METTL15: variants seen among roughly 807,000 people sequenced by gnomAD.
METTL15 encodes methyltransferase 15, mitochondrial 12S rRNA N4-cytidine, also known as 12S rRNA N(4)-cytidine methyltransferase METTL15.
METTL15 carries 34 observed loss-of-function variants against 38.3 expected under a neutral mutation model. That is an observed-to-expected ratio of 0.89 (90% CI 0.68 to 1.18). The LOEUF is 1.18. METTL15 is among the 50% of genes most tolerant of loss of function. The pLI is 0.00. For missense variants in METTL15, 438 were observed against 498.4 expected (o/e 0.88, Z 1.15); for synonymous variants, 162 against 170.9 (o/e 0.95, Z 0.41).
At chr11:28,277,328 C>T (rs1410216524) in intron 4 of METTL15, among the ~76,000 whole-genome samples, 1 of 152,136 alleles carries the variant, frequency 6.6e-6, no homozygotes, top group Admixed American at 6.5e-5. Context: ...TGGAATCAAT[C>T]TAAGTGTTCA....
chr11:28,476,055 C>T (rs76802661), intron 6 of METTL15, among the ~76,000 whole-genome samples: 6,111 of 152,236 alleles, frequency 0.04, 402 homozygotes, highest in African/African-American at 0.14. Flanking sequence ...TGTTTGCTTC[C>T]GCAGAACCAG....
chr11:28,336,203 A>T (rs529293770), downstream of METTL15, among the ~76,000 whole-genome samples: 1 of 152,306 alleles, frequency 6.6e-6, no homozygotes, highest in East Asian at 1.9e-4. Flanking sequence ...TTGACAGGGT[A>T]TATAAAATAC....
At chr11:28,131,295 G>T (rs967718068) in intron 3 of METTL15, among the ~76,000 whole-genome samples, 3 of 152,128 alleles carry the variant, frequency 2.0e-5, no homozygotes, top group African/African-American at 7.2e-5. Context: ...AGGCAAGGTG[G>T]TAAAGTTTTC....
chr11:28,129,940 C>G (rs767619567), intron 3 of METTL15, among the ~76,000 whole-genome samples: 18 of 151,948 alleles, frequency 1.2e-4, no homozygotes, highest in Non-Finnish European at 2.2e-4. Context: ...ACAATTTGAT[C>G]ACCTAAATCT....
intron 3 of METTL15, among the ~76,000 whole-genome samples, chr11:28,130,717 C>T (rs1852731443): frequency 6.6e-6 from 1 of 152,174 alleles, no homozygotes; most frequent in Non-Finnish European, 1.5e-5. Flanking sequence ...TTTATAAGTA[C>T]AAACACTTAA....
At chr11:28,312,126 G>A (rs1487868907) in intron 6 of METTL15, among the ~76,000 whole-genome samples, 1 of 152,160 alleles carries the variant, frequency 6.6e-6, no homozygotes, top group Non-Finnish European at 1.5e-5. Context: ...CTCATTTCAG[G>A]TACACCAGTA....
intron 3 of METTL15, among the ~76,000 whole-genome samples, chr11:28,142,513 T>C (rs1849734661): frequency 6.6e-6 from 1 of 152,216 alleles, no homozygotes; most frequent in South Asian, 2.1e-4. Flanking sequence ...GATTTGGTGA[T>C]AGGGAACTTT....
At chr11:28,520,416 C>T (rs1338074557) in intron 6 of METTL15, among the ~76,000 whole-genome samples, 1 of 152,070 alleles carries the variant, frequency 6.6e-6, no homozygotes, top group African/African-American at 2.4e-5. Context: ...ATCAAGAAGA[C>T]CTGGGTGAGG....
intron 3 of METTL15, among the ~76,000 whole-genome samples, chr11:28,155,734 T>C (rs1850241965): frequency 6.6e-6 from 1 of 152,204 alleles, no homozygotes; most frequent in Non-Finnish European, 1.5e-5. Flanking sequence ...TCAATTTCTT[T>C]GAGTATAATG....
chr11:28,120,733 C>A (rs895651026), intron 3 of METTL15, among the ~76,000 whole-genome samples: 1 of 152,074 alleles, frequency 6.6e-6, no homozygotes, highest in African/African-American at 2.4e-5. Flanking sequence ...TGCCCTTTTC[C>A]CTGTGACTTG....
At chr11:28,196,588 G>C (rs1255128634) in intron 3 of METTL15, among the ~76,000 whole-genome samples, 1 of 151,578 alleles carries the variant, frequency 6.6e-6, no homozygotes, top group Non-Finnish European at 1.5e-5. Context: ...CAAATCTAGG[G>C]GTCTTTTGAA....
chr11:28,201,334 A>C (rs1852105885), intron 3 of METTL15, among the ~76,000 whole-genome samples: 1 of 152,056 alleles, frequency 6.6e-6, no homozygotes, highest in African/African-American at 2.4e-5. Context: ...TTCATCAGGG[A>C]TATTGGCCTG....
intron 5 of METTL15, among the ~76,000 whole-genome samples, chr11:28,416,558 C>G (rs1850774021): frequency 6.6e-6 from 1 of 152,178 alleles, no homozygotes; most frequent in African/African-American, 2.4e-5. Context: ...GCCTCTCTTG[C>G]CTGTATCTAA....
chr11:28,142,438 G>A (rs1170297185), intron 3 of METTL15, among the ~76,000 whole-genome samples: 1 of 152,142 alleles, frequency 6.6e-6, no homozygotes, highest in African/African-American at 2.4e-5. Flanking sequence ...TTGCTGCCTG[G>A]CCTATTTTGG....
At chr11:28,167,793 T>C (rs1364796533) in intron 3 of METTL15, among the ~76,000 whole-genome samples, 3 of 151,978 alleles carry the variant, frequency 2.0e-5, no homozygotes, top group African/African-American at 4.8e-5. Flanking sequence ...CTATAATCTT[T>C]CTCAGATGTT....
intron 6 of METTL15, among the ~76,000 whole-genome samples, chr11:28,509,073 A>G (rs1370451203): frequency 1.3e-5 from 2 of 152,156 alleles, no homozygotes; most frequent in African/African-American, 2.4e-5. Context: ...CATTGACGAT[A>G]ATGTTAAAAG....
At chr11:28,306,968 G>A (rs1353396843) in intron 6 of METTL15, among the ~76,000 whole-genome samples, 2 of 151,760 alleles carry the variant, frequency 1.3e-5, no homozygotes, top group Non-Finnish European at 1.5e-5. Flanking sequence ...TTTAAAATAG[G>A]AATTTGTTAA....
At chr11:28,528,864 T>G (rs1404893538), downstream of METTL15, among the ~76,000 whole-genome samples, 1 of 152,186 alleles carries the variant, frequency 6.6e-6, no homozygotes, top group Admixed American at 6.5e-5. Context: ...AGCAGAAATA[T>G]TGTAATGCAT....
At chr11:28,509,483 A>C (rs1426524068) in intron 6 of METTL15, among the ~76,000 whole-genome samples, 1 of 146,350 alleles carries the variant, frequency 6.8e-6, no homozygotes, top group Non-Finnish European at 1.5e-5. Flanking sequence ...TCAATCCTTT[A>C]TTTAAAAAAA....
Sources: allele counts gnomAD v4.1 joint callset (sites outside exome capture counted in the v4.1 genomes callset), GRCh38; gene constraint gnomAD v4.1.1; transcripts MANE v1.5; gene names NCBI Gene and HGNC (gene_info 2026-07-23, HGNC 2026-07-21).